LIG4: variants seen among roughly 807,000 people sequenced by gnomAD.
The protein encoded by LIG4 is DNA joinase.
Under a neutral mutation model 19.0 loss-of-function variants are expected in LIG4, and 13 were observed. That is an observed-to-expected ratio of 0.68 (90% CI 0.44 to 1.09). LIG4 has a LOEUF of 1.09. Ranked by LOEUF, LIG4 falls within the 50% of genes least tolerant of loss-of-function variation. LIG4 has a pLI of 0.00. For missense variants in LIG4, 1,026 were observed against 1,089.7 expected (o/e 0.94, Z 0.82); for synonymous variants, 361 against 358.2 (o/e 1.01, Z -0.09).
Position 108,210,209 on chromosome 13 carries a change from T to C in LIG4, c.1060A>G (p.Met354Val). Residue 354 changes from methionine to valine, a missense_variant, in exon 3 of 3, where the codon ATG becomes GTG. Physicochemically the swap from Met to Val is conservative, Grantham distance 21 (BLOSUM62 1). Around this residue, in one of 3 missense-constraint regions of LIG4, gnomAD observed 493 missense variants for 544.5 expected, o/e 0.91. Coordinates refer to ENST00000442234, the MANE Select transcript of LIG4 (RefSeq NM_206937.2). ...QKGTKFDIKRMVEDSDLQTCY... is the reference protein window; with the variant it reads ...QKGTKFDIKRVVEDSDLQTCY... ...GTTTGCAGATCAGAATCCTCTACCA[T>C]TCTTTTAATATCAAACTTAGTTCCC... is the stretch of plus-strand genomic sequence containing the variant. The C allele has an allele frequency of 1.2e-6, 2 of 1,613,670 alleles. No individual in the cohort carries two copies. Among genetic ancestry groups the C allele is most frequent in the Non-Finnish European group, 1.7e-6 (2 of 1,179,732 alleles).
upstream of LIG4, among the ~76,000 whole-genome samples, chr13:108,216,580 T>G (rs1879305620): frequency 1.3e-5 from 2 of 152,248 alleles, no homozygotes; most frequent in African/African-American, 4.8e-5. Flanking sequence ...CCTGAATATC[T>G]AAAATCATCT....
Position 108,208,205 on chromosome 13 carries a change from G to C in LIG4, c.*328C>G, listed in dbSNP as rs1331270012. ...TTAATGCTTTTTCATGACTTTAAAA[G>C]TTTCTAAATGTATTTTATTAGTATC... On this transcript the variant is annotated 3_prime_UTR_variant, in exon 3 of 3. Transcript: ENST00000442234. 4.8e-6 allele frequency: 1 copy of C among 207,712 alleles called. No homozygotes were observed. The highest frequency in any genetic ancestry group is 9.7e-6 in the Non-Finnish European group (1 of 103,278). 12.9% of individuals were successfully genotyped at this position (207,712 alleles called of 1,614,324 possible).
In LIG4 at chr13:108,209,789, C is replaced by A; in HGVS notation, c.1480G>T (p.Gly494Cys). ...LCAVAEKPPP[G>C]EKPSVFHTLS... The stretch of plus-strand genomic sequence containing the variant: ...GTATGAAACACAGATGGCTTCTCAC[C>A]AGGAGGGGGCTTCTCTGCTACTGCA... Residue 494 changes from glycine to cysteine, a missense_variant, in exon 3 of 3, where the codon GGT becomes TGT. By Grantham distance (159) the Gly-to-Cys change is radical (BLOSUM62 -3). Coordinates refer to ENST00000442234, the MANE Select transcript of LIG4 (RefSeq NM_206937.2). 1.9e-6 allele frequency: 3 copies of A among 1,614,088 alleles called. No individual in the cohort carries two copies. The highest frequency in any genetic ancestry group is 2.5e-6 in the Non-Finnish European group (3 of 1,180,018).
At chr13:108,211,376 C>G (rs1048858502) in intron 2 of LIG4, 80 bp from the exon 3 acceptor site, 9 of 821,472 alleles carry the variant, frequency 1.1e-5, no homozygotes, top group Non-Finnish European at 1.8e-5. Context: ...TTACAAAGAT[C>G]ACTGAGATCA....
chr13:108,208,877 C>A lies in LIG4; in HGVS notation c.2392G>T (p.Asp798Tyr), dbSNP rs1878235907. The A allele has an allele frequency of 2.5e-6, 4 of 1,614,078 alleles. No individual in the cohort carries two copies. In the East Asian group the frequency reaches 6.7e-5, roughly 27 times the overall value. ...TPEEMASLIA[D>Y]LEYRYSWDCS... ...TCCCAGGAATACCGATATTCTAAAT[C>A]AGCAATCAGAGAAGCCATTTCTTCA... Residue 798 changes from aspartate to tyrosine, a missense_variant, in exon 3 of 3, where the codon GAT (aspartate) becomes TAT (tyrosine). Asp to Tyr is a radical substitution (Grantham distance 160, BLOSUM62 -3). Coordinates refer to ENST00000442234, the MANE Select transcript of LIG4 (RefSeq NM_206937.2).
chr13:108,212,012 ATAGT>A (rs1443762293), intron 2 of LIG4, among the ~76,000 whole-genome samples: 2 of 152,118 alleles, frequency 1.3e-5, no homozygotes, highest in Admixed American at 1.3e-4. Context: ...CTATTTTACC[ATAGT>A]TACTTACTGT....
chr13:108,212,192 A>G (rs57683371), intron 2 of LIG4, among the ~76,000 whole-genome samples: 4,167 of 150,570 alleles, frequency 0.028, 195 homozygotes, highest in African/African-American at 0.098. Flanking sequence ...AAAAAAAAAA[A>G]GAAAAAAAAG....
At chr13:108,212,543 G>C (rs1006239706) in intron 2 of LIG4, among the ~76,000 whole-genome samples, 1 of 152,060 alleles carries the variant, frequency 6.6e-6, no homozygotes, top group Non-Finnish European at 1.5e-5. Context: ...TAGAAACTAT[G>C]TTTTATCCTG....
At chr13:108,212,530 GA>G (rs1566370175) in intron 2 of LIG4, among the ~76,000 whole-genome samples, 2 of 152,190 alleles carry the variant, frequency 1.3e-5, no homozygotes, top group East Asian at 3.9e-4. Context: ...TATGGTCCAT[GA>G]ATAGAAACTA....
rs761320951 is a variant in LIG4, at chr13:108,210,923, T to C, written c.346A>G (p.Thr116Ala). 2.5e-6 allele frequency: 4 copies of C among 1,614,002 alleles called. No individual in the cohort carries two copies. The South Asian group carries it at 4.4e-5, about 18-fold the overall frequency. The change falls in exon 3 of 3, where the codon ACT (threonine) becomes GCT (alanine). Residue 116 changes from threonine (T) to alanine (A), a missense_variant. This residue lies in a region of LIG4 where 493 missense variants were observed against 544.5 expected (regional missense o/e 0.91). Transcript: ENST00000442234. ...ALKLLNYRTP[T>A]GTHGDAGDFA... ...TCTCCAGCATCTCCATGAGTTCCAG[T>C]GGGTGTTCTGTAGTTTAAAAGTTTG...
rs1878610866 is a variant in LIG4 at position 108,211,082 on chromosome 13, A to G, written c.187T>C (p.Ser63Pro). ...ATTAGTCTCATTGCTGGATAAAAAG[A>G]GTCTGTGACATCTTTGTGGTTCTTA... ...LHKNHKDVTD[S>P]FYPAMRLILP... Residue 63 changes from serine to proline, a missense_variant, in exon 3 of 3, where the codon TCT becomes CCT. By Grantham distance (74) the Ser-to-Pro change is moderately conservative. Around this residue, in one of 3 missense-constraint regions of LIG4, gnomAD observed 493 missense variants for 544.5 expected, o/e 0.91. Transcript: ENST00000442234. 6.2e-7 allele frequency: 1 copy of G among 1,606,670 alleles called. No homozygotes were observed. The highest frequency in any genetic ancestry group is 8.5e-7 in the Non-Finnish European group (1 of 1,175,880).
intron 2 of LIG4, among the ~76,000 whole-genome samples, chr13:108,213,406 C>T (rs931163633): frequency 6.6e-6 from 1 of 152,168 alleles, no homozygotes; most frequent in Non-Finnish European, 1.5e-5. Context: ...GTTAAAGTTT[C>T]GCTCAACAAA....
upstream of LIG4, among the ~76,000 whole-genome samples, chr13:108,216,559 G>A (rs923249721): frequency 6.6e-6 from 1 of 152,132 alleles, no homozygotes; most frequent in African/African-American, 2.4e-5. Context: ...ATGTCTAATT[G>A]ACCTAATATG....
upstream of LIG4, among the ~76,000 whole-genome samples, chr13:108,216,718 G>C (rs1354714151): frequency 2.0e-5 from 3 of 152,252 alleles, no homozygotes; most frequent in African/African-American, 7.2e-5. Flanking sequence ...TCTTAGGAGA[G>C]GGTACCTATC....
Position 108,211,214 on chromosome 13 carries a change from A to G in LIG4, c.55T>C (p.Leu19=). 6.2e-7 allele frequency: 1 copy of G among 1,613,276 alleles called. No homozygotes were observed. Among genetic ancestry groups the G allele is most frequent in the East Asian group, 2.2e-5 (1 of 44,870 alleles). ...TGTATTCGTTCTAAAGTTGAACACA[A>G]ATCTGCAAAAGGAACGTGAGATGCA... ...TVASHVPFAD[L]CSTLERIQKS... Residue 19 remains leucine (L), a synonymous_variant, in exon 3 of 3, where the codon TTG becomes CTG. Coordinates refer to ENST00000442234, the MANE Select transcript of LIG4 (RefSeq NM_206937.2).
intron 2 of LIG4, among the ~76,000 whole-genome samples, chr13:108,213,402 G>A (rs919802669): frequency 1.3e-5 from 2 of 152,164 alleles, no homozygotes; most frequent in Non-Finnish European, 2.9e-5. Flanking sequence ...CAAAGTTAAA[G>A]TTTCGCTCAA....
Position 108,211,291 on chromosome 13 carries a change from G to T in LIG4, c.-23C>A, listed in dbSNP as rs761730399. On this transcript the variant is annotated 5_prime_UTR_variant, in exon 3 of 3. Coordinates refer to ENST00000442234, the MANE Select transcript of LIG4 (RefSeq NM_206937.2). ...CATCAAAGCGGTGATGAATCTTCTC[G>T]TTTAACTAGTAAAGCAAAAAGAGAA... 4 of 1,533,854 alleles carry T rather than the reference G, an allele frequency of 2.6e-6. No individual in the cohort carries two copies. Among genetic ancestry groups the T allele is most frequent in the Admixed American group, 1.7e-5 (1 of 59,770 alleles).
At position 108,211,130 on chromosome 13, in the gene LIG4, T is replaced by A; in HGVS notation, c.139A>T (p.Arg47Ter). The stretch of plus-strand genomic sequence containing the variant: ...TTATGAAGAGCATCATGAAATTTTC[T>A]CCAAGAATCTAAAAATTCCCTGAAG... The part of the protein sequence containing the change: ...RHFREFLDSW[R>*]KFHDALHKNH... The change falls in exon 3 of 3, where the codon AGA becomes TGA. Residue 47 changes from arginine to a stop codon, truncating the protein, a stop_gained. Transcript: ENST00000442234. LOFTEE classifies it high-confidence loss of function. The A allele has an allele frequency of 6.2e-7, 1 of 1,611,802 alleles. No homozygotes were observed. The highest frequency in any genetic ancestry group is 8.5e-7 in the Non-Finnish European group (1 of 1,178,334).
intron 2 of LIG4, among the ~76,000 whole-genome samples, chr13:108,211,686 G>A (rs1878682123): frequency 6.6e-6 from 1 of 152,170 alleles, no homozygotes; most frequent in Non-Finnish European, 1.5e-5. Flanking sequence ...GAGCTTCTGA[G>A]GGAAGGCCTT....
Sources: gnomAD v4.1 joint callset for allele counts (sites outside exome capture counted in the v4.1 genomes callset) on GRCh38, gnomAD v4.1.1 for gene constraint, gnomAD v4.1.1 regional missense constraint, MANE v1.5 for transcripts, NCBI Gene and HGNC (gene_info 2026-07-23, HGNC 2026-07-21) for gene names.